Variants in SRPK2 observed in about 807,000 individuals in gnomAD.
The protein encoded by SRPK2 is SFRS protein kinase 2.
Under a neutral mutation model 90.8 loss-of-function variants are expected in SRPK2, and 21 were observed. The observed-to-expected ratio is 0.23, with a 90% CI of 0.16 to 0.33. The LOEUF is 0.33. Among genes scored for constraint, SRPK2 ranks in the 10% least tolerant of loss-of-function variants. The probability of loss-of-function intolerance (pLI) is 1.00; values close to 1 mark genes in which losing one functional copy is unlikely to be tolerated. For missense variants in SRPK2, 620 were observed against 869.0 expected (o/e 0.71, Z 3.60); for synonymous variants, 288 against 311.1 (o/e 0.93, Z 0.78).
chr7:105,231,420 G>C (rs1799405852), intron 2 of SRPK2, among the ~76,000 whole-genome samples: 1 of 152,110 alleles, frequency 6.6e-6, no homozygotes, highest in Non-Finnish European at 1.5e-5. Flanking sequence ...TATTCCTCTA[G>C]GTACACACCC....
chr7:105,153,571 A>T (rs1806055470), intron 7 of SRPK2, among the ~76,000 whole-genome samples: 1 of 152,202 alleles, frequency 6.6e-6, no homozygotes, highest in Non-Finnish European at 1.5e-5. Flanking sequence ...GGCCTTGCTC[A>T]CAGCCCAGAG....
In SRPK2 at chr7:105,376,524, T is replaced by C. The variant is rs144022900; in HGVS notation, c.71+12124A>G. On this transcript the variant is annotated intron_variant, in intron 2 of 15. Coordinates refer to ENST00000393651, the MANE Select transcript of SRPK2 (RefSeq NM_182692.3). ...CTAACTTTCTACTAGCTCCTTGCCA[T>C]CCTTTTTTTCTTTTTTTTTTTTGGT... Among the ~76,000 whole-genome samples, 1,503 of 151,138 alleles carry C rather than the reference T, an allele frequency of 9.9e-3. 13 individuals are homozygous for C. Among genetic ancestry groups the C allele is most frequent in the Non-Finnish European group, 0.016 (1,072 of 67,788 alleles).
chr7:105,232,383 C>T (rs141261452), intron 2 of SRPK2, among the ~76,000 whole-genome samples: 2,090 of 150,330 alleles, frequency 0.014, 19 homozygotes, highest in South Asian at 0.027. Context: ...CGCTTGAACA[C>T]GGGAGGCAAA....
chr7:105,186,836 CTGCTCTGAGGCCACCA>C (rs1793639743), intron 3 of SRPK2, among the ~76,000 whole-genome samples: 1 of 152,200 alleles, frequency 6.6e-6, no homozygotes, highest in Non-Finnish European at 1.5e-5. Context: ...GGAAGTATGA[CTGCTCTGAGGCCACCA>C]TGCTCTGAGA....
rs1554435316 is a variant in SRPK2, at chr7:105,170,790, A to AAGGAAGGAAGGAAGGAAGGAAGGAAGGAC, written c.230-1526_230-1525insGTCCTTCCTTCCTTCCTTCCTTCCTTCCT. Among the ~76,000 whole-genome samples, 4 of 70,378 alleles carry AAGGAAGGAAGGAAGGAAGGAAGGAAGGAC rather than the reference A, an allele frequency of 5.7e-5. 1 individual carries two copies. Among genetic ancestry groups the AAGGAAGGAAGGAAGGAAGGAAGGAAGGAC allele is most frequent in the African/African-American group, 2.8e-4 (4 of 14,530 alleles). The allele number at this position is 70,378 out of a possible 152,430, so 46.2% of individuals were successfully genotyped here. ...AAGGAAGGAAGGAAGGACGGGAGGG[A>AAGGAAGGAAGGAAGGAAGGAAGGAAGGAC]GGGAGGGAGGGAGGGAGAGAGAGAG... is the stretch of plus-strand genomic sequence containing the variant. On this transcript the variant is annotated intron_variant, in intron 3 of 15. Transcript: ENST00000393651.
chr7:105,132,361 A>C (rs1802132326), intron 13 of SRPK2, among the ~76,000 whole-genome samples: 1 of 152,248 alleles, frequency 6.6e-6, no homozygotes. Context: ...GCAGAGGCTT[A>C]CCTGGAGGGG....
At chr7:105,355,724 C>A (rs191033549) in intron 2 of SRPK2, among the ~76,000 whole-genome samples, 21 of 152,216 alleles carry the variant, frequency 1.4e-4, no homozygotes, top group African/African-American at 5.1e-4. Flanking sequence ...GCAGCCTTTG[C>A]ATAAGACACA....
At chr7:105,225,531 CACTTT>C (rs920308917) in intron 2 of SRPK2, among the ~76,000 whole-genome samples, 52 of 152,310 alleles carry the variant, frequency 3.4e-4, no homozygotes, top group South Asian at 2.9e-3. Context: ...CCAACAAAAC[CACTTT>C]TAAGTATGAC....
intron 2 of SRPK2, among the ~76,000 whole-genome samples, chr7:105,244,114 C>G (rs537989836): frequency 1.3e-5 from 2 of 152,326 alleles, no homozygotes; most frequent in Non-Finnish European, 2.9e-5. Flanking sequence ...GTCCGCTGGT[C>G]AGGAGGCTTT....
chr7:105,348,493 C>T (rs576525983), intron 2 of SRPK2, among the ~76,000 whole-genome samples: 1 of 149,456 alleles, frequency 6.7e-6, no homozygotes, highest in East Asian at 2.0e-4. Context: ...GGCATGATCA[C>T]GGCTCACTGC....
At chr7:105,323,692 G>T (rs1251890437) in intron 2 of SRPK2, among the ~76,000 whole-genome samples, 1 of 152,128 alleles carries the variant, frequency 6.6e-6, no homozygotes, top group Admixed American at 6.5e-5. Context: ...AGTGTTTCTT[G>T]CCTTTTAGAG....
chr7:105,258,417 C>CAAAAAAAAA (rs33941320), intron 2 of SRPK2, among the ~76,000 whole-genome samples: 2 of 121,614 alleles, frequency 1.6e-5, no homozygotes. Context: ...AACTCGGTCT[C>CAAAAAAAAA]AAAAAAAAAA....
intron 2 of SRPK2, among the ~76,000 whole-genome samples, chr7:105,251,935 T>C (rs967433029): frequency 6.6e-6 from 1 of 152,214 alleles, no homozygotes; most frequent in Non-Finnish European, 1.5e-5. Context: ...CCATAATTTC[T>C]CTACTGACCT....
At chr7:105,175,178 C>T (rs1456844914) in intron 3 of SRPK2, among the ~76,000 whole-genome samples, 1 of 150,812 alleles carries the variant, frequency 6.6e-6, no homozygotes, top group African/African-American at 2.4e-5. Flanking sequence ...ATTCAAATCA[C>T]ACAAAGTATG....
chr7:105,167,626 T>A (rs777573930), intron 5 of SRPK2, among the ~76,000 whole-genome samples, 162 bp from the exon 6 acceptor site: 3 of 151,868 alleles, frequency 2.0e-5, no homozygotes, highest in Non-Finnish European at 4.4e-5. Context: ...TTATTTATTT[T>A]TTGAGACAGA....
rs553880168 is a variant in SRPK2 at position 105,321,941 on chromosome 7, T to C, written c.71+66707A>G. Among the ~76,000 whole-genome samples, 28 of 152,320 alleles carry C rather than the reference T, an allele frequency of 1.8e-4. No individual in the cohort carries two copies. In the South Asian group the frequency reaches 5.2e-3, roughly 28 times the overall value. On this transcript the variant is annotated intron_variant, in intron 2 of 15. Coordinates refer to ENST00000393651, the MANE Select transcript of SRPK2 (RefSeq NM_182692.3). The stretch of plus-strand genomic sequence containing the variant: ...CCATACAACTCAGCAATTCCACTCA[T>C]AGGTAGAAACCCAAAAGAAGTGAAA...
chr7:105,328,073 G>A (rs1813803727), intron 2 of SRPK2, among the ~76,000 whole-genome samples: 1 of 152,164 alleles, frequency 6.6e-6, no homozygotes, highest in South Asian at 2.1e-4. Flanking sequence ...ACAATGCCCA[G>A]CCTATAGGAG....
chr7:105,330,146 T>C (rs977976378), intron 2 of SRPK2, among the ~76,000 whole-genome samples: 3 of 152,048 alleles, frequency 2.0e-5, no homozygotes, highest in African/African-American at 7.2e-5. Flanking sequence ...GAGACCATCC[T>C]GGCTAACACG....
intron 2 of SRPK2, among the ~76,000 whole-genome samples, chr7:105,373,274 TC>T (rs1819902455): frequency 6.6e-6 from 1 of 151,968 alleles, no homozygotes; most frequent in Non-Finnish European, 1.5e-5. Flanking sequence ...CTGAAGGCCA[TC>T]AACGATAAAC....
Sources: gnomAD v4.1 joint callset for allele counts (sites outside exome capture counted in the v4.1 genomes callset) on GRCh38, gnomAD v4.1.1 for gene constraint, MANE v1.5 for transcripts, NCBI Gene and HGNC (gene_info 2026-07-23, HGNC 2026-07-21) for gene names.